The following NME7 variants were observed in gnomAD, a reference collection of about 807,000 sequenced individuals.
NME7 encodes NME/NM23 family member 7, also known as nucleoside diphosphate kinase 7.
A neutral mutation model predicts 49.1 loss-of-function variants in NME7; 41 were observed. That is an observed-to-expected ratio of 0.83 (90% CI 0.65 to 1.08). NME7 has a LOEUF of 1.08. Ranked by LOEUF, NME7 falls within the 50% of genes least tolerant of loss-of-function variation. The pLI is 0.00. For synonymous variants in NME7, 139 were observed against 150.6 expected (o/e 0.92, Z 0.56); for missense variants, 423 against 463.4 (o/e 0.91, Z 0.80).
rs1340192441 is a variant in NME7, at chr1:169,256,878, G to A, written c.755-19191C>T. On this transcript the variant is annotated intron_variant, in intron 7 of 11. Coordinates refer to ENST00000367811, the MANE Select transcript of NME7 (RefSeq NM_013330.5). Reference sequence around the variant, plus strand: ...GGTGCCTCCCAGTTAGGCTGCTTGGGGGTCAGGGGTCAGGGACCCACTTGA... The same window carrying A: ...GGTGCCTCCCAGTTAGGCTGCTTGGAGGTCAGGGGTCAGGGACCCACTTGA... 2.3e-5 allele frequency among the ~76,000 whole-genome samples: 3 copies of A among 131,920 alleles called. 1 individual carries two copies. The highest frequency in any genetic ancestry group is 3.6e-5 in the Non-Finnish European group (2 of 56,214). The allele number at this position is 131,920 out of a possible 152,430, so 86.5% of individuals were successfully genotyped here.
intron 6 of NME7, among the ~76,000 whole-genome samples, chr1:169,293,532 G>T (rs1006383053): frequency 6.6e-6 from 1 of 152,062 alleles, no homozygotes; most frequent in African/African-American, 2.4e-5. Flanking sequence ...ACTCTAGACT[G>T]TTACACTGAT....
chr1:169,231,274 A>C (rs1006307387), intron 9 of NME7, among the ~76,000 whole-genome samples: 1 of 152,188 alleles, frequency 6.6e-6, no homozygotes, highest in Non-Finnish European at 1.5e-5. Context: ...AAAATATACG[A>C]AACAATAGTT....
chr1:169,158,071 G>A (rs553074763), intron 11 of NME7, among the ~76,000 whole-genome samples: 1 of 152,182 alleles, frequency 6.6e-6, no homozygotes, highest in South Asian at 2.1e-4. Context: ...CTACTCACTG[G>A]GACAGTGGTT....
At chr1:169,310,175 G>A in intron 3 of NME7, 95 bp from the exon 4 acceptor site, 1 of 738,556 alleles carries the variant, frequency 1.4e-6, no homozygotes, top group South Asian at 1.8e-5. Flanking sequence ...AATCATCCTA[G>A]ATCATCAAAA....
intron 1 of NME7, among the ~76,000 whole-genome samples, chr1:169,327,823 AG>A (rs1434531719): frequency 6.6e-6 from 1 of 152,206 alleles, no homozygotes; most frequent in Non-Finnish European, 1.5e-5. Context: ...TACTGTTTAA[AG>A]GAAGGTCCAG....
At chr1:169,279,605 C>G (rs1003492749) in intron 7 of NME7, among the ~76,000 whole-genome samples, 1 of 152,216 alleles carries the variant, frequency 6.6e-6, no homozygotes. Flanking sequence ...CTTTCCTTGA[C>G]CAGGAAAGGG....
At chr1:169,326,400 G>A (rs1269260699) in intron 1 of NME7, among the ~76,000 whole-genome samples, 1 of 152,136 alleles carries the variant, frequency 6.6e-6, no homozygotes, top group African/African-American at 2.4e-5. Context: ...AGGATCTGAG[G>A]ATCCAAGATC....
chr1:169,245,220 G>T (rs1041720571), intron 7 of NME7, among the ~76,000 whole-genome samples: 1 of 152,100 alleles, frequency 6.6e-6, no homozygotes, highest in African/African-American at 2.4e-5. Context: ...CAGCCAATGA[G>T]CCCCTTACAC....
intron 3 of NME7, among the ~76,000 whole-genome samples, chr1:169,312,683 T>C (rs1037212217): frequency 3.9e-5 from 6 of 152,104 alleles, no homozygotes; most frequent in South Asian, 2.1e-4. Context: ...TGAGCAAAAA[T>C]TGCAGCAAAT....
At chr1:169,294,887 A>G (rs541658023) in intron 6 of NME7, among the ~76,000 whole-genome samples, 4 of 152,270 alleles carry the variant, frequency 2.6e-5, no homozygotes, top group African/African-American at 9.6e-5. Context: ...TTGATCCCCA[A>G]TGTTGGAGAT....
At chr1:169,291,188 C>A (rs1650486386) in intron 6 of NME7, among the ~76,000 whole-genome samples, 2 of 152,158 alleles carry the variant, frequency 1.3e-5, no homozygotes, top group South Asian at 4.1e-4. Context: ...ATAAACCATT[C>A]TGTTGTAAAG....
rs535546551 is a variant in NME7 at position 169,162,397 on chromosome 1, G to GA, written c.1098+7049dup. Among the ~76,000 whole-genome samples the GA allele has an allele frequency of 3.2e-3, 453 of 140,318 alleles. 2 individuals are homozygous for GA. Among genetic ancestry groups the GA allele is most frequent in the African/African-American group, 7.7e-3 (296 of 38,516 alleles). The allele number at this position is 140,318 out of a possible 152,430, so 92.1% of individuals were successfully genotyped here. A position where few individuals can be genotyped will look rare whatever the true frequency, so the allele number is the denominator to read the frequency against. On this transcript the variant is annotated intron_variant, in intron 11 of 11. Transcript: ENST00000367811. ...GTATCACCAAGTTACAGAACATTTAGAAAAAAAAAAACAGGAAAGACCTAT... is the reference window on the plus strand; with the variant it reads ...GTATCACCAAGTTACAGAACATTTAGAAAAAAAAAAAACAGGAAAGACCTAT...
intron 3 of NME7, among the ~76,000 whole-genome samples, chr1:169,311,581 T>C (rs1651392866): frequency 6.6e-6 from 1 of 152,158 alleles, no homozygotes; most frequent in African/African-American, 2.4e-5. Flanking sequence ...ATGAGTCAGT[T>C]ATATTACTTT....
chr1:169,229,988 A>G (rs1188430968), intron 10 of NME7, among the ~76,000 whole-genome samples: 11 of 152,032 alleles, frequency 7.2e-5, no homozygotes, highest in African/African-American at 2.4e-4. Context: ...AAAATAATAA[A>G]CAATGCCCTG....
rs1176477419 is a variant in NME7 at position 169,342,933 on chromosome 1, ACATATATATACTTGTATTAG to A, written c.4-18453_4-18434del. ...ATAGTGTATATATATATATACAAGT[ACATATATATACTTGTATTAG>A]TATATATATATATATATACAAGTAC... is the stretch of plus-strand genomic sequence containing the variant. On this transcript the variant is annotated intron_variant, in intron 1 of 11. Coordinates refer to ENST00000367811, the MANE Select transcript of NME7 (RefSeq NM_013330.5). 1.1e-4 allele frequency among the ~76,000 whole-genome samples: 12 copies of A among 110,658 alleles called. 1 individual carries two copies. The highest frequency in any genetic ancestry group is 4.3e-4 in the African/African-American group (12 of 27,838). 72.6% of individuals were successfully genotyped at this position (110,658 alleles called of 152,430 possible).
In NME7 at chr1:169,262,676, C is replaced by T. The variant is rs148578011; in HGVS notation, c.754+24627G>A. Among the ~76,000 whole-genome samples, 9 of 133,400 alleles carry T rather than the reference C, an allele frequency of 6.7e-5. No homozygotes were observed. The East Asian group carries it at 8.0e-4, about 12-fold the overall frequency. 87.5% of individuals were successfully genotyped at this position (133,400 alleles called of 152,430 possible). On this transcript the variant is annotated intron_variant, in intron 7 of 11. Transcript: ENST00000367811. The stretch of plus-strand genomic sequence containing the variant: ...CAGAGCCAGGAAAACCTCTTCAACA[C>T]GGGAAAGGGTGAGTGAGTGACAGCC...
chr1:169,281,939 G>T (rs1318893922), intron 7 of NME7, among the ~76,000 whole-genome samples: 6 of 152,102 alleles, frequency 3.9e-5, no homozygotes, highest in Non-Finnish European at 5.9e-5. Context: ...CCAGGTTTTG[G>T]TATCAGGATG....
intron 7 of NME7, among the ~76,000 whole-genome samples, chr1:169,247,219 G>C (rs1648362230): frequency 6.6e-6 from 1 of 152,134 alleles, no homozygotes; most frequent in African/African-American, 2.4e-5. Context: ...TGTAAGATTG[G>C]GTAAATAGGT....
intron 9 of NME7, 112 bp downstream of exon 9, chr1:169,235,019 T>G (rs1162504970): frequency 2.0e-6 from 1 of 501,438 alleles, no homozygotes; most frequent in African/African-American, 2.0e-5. Flanking sequence ...TGACTCTGTA[T>G]TGATTTTCAG....
Sources: allele counts gnomAD v4.1 joint callset (sites outside exome capture counted in the v4.1 genomes callset), GRCh38; gene constraint gnomAD v4.1.1; transcripts MANE v1.5; gene names NCBI Gene and HGNC (gene_info 2026-07-23, HGNC 2026-07-21).